The following QTMAN variants were observed in gnomAD, a reference collection of about 807,000 sequenced individuals.
The protein encoded by QTMAN is queuosine-tRNA mannosyltransferase.
At chr2:144,202,644 T>C in the QTMAN span, among the ~76,000 whole-genome samples, 1 of 152,212 alleles carries the variant, frequency 6.6e-6, no homozygotes, top group African/African-American at 2.4e-5. Flanking sequence ...TTATTTTCCA[T>C]TCCATTCATT....
At chr2:144,213,828 C>T in the QTMAN span, among the ~76,000 whole-genome samples, 4 of 152,128 alleles carry the variant, frequency 2.6e-5, no homozygotes, top group South Asian at 2.1e-4. Context: ...GAAACTTGAG[C>T]GGTATTTCTC....
chr2:144,141,502 T>C, the QTMAN span, among the ~76,000 whole-genome samples: 1 of 150,572 alleles, frequency 6.6e-6, no homozygotes, highest in African/African-American at 2.4e-5. Flanking sequence ...TTGACTTATC[T>C]AGACCAGTTC....
chr2:144,238,177 C>T, the QTMAN span, among the ~76,000 whole-genome samples: 5 of 152,214 alleles, frequency 3.3e-5, no homozygotes, highest in Admixed American at 2.0e-4. Context: ...ACGCCTTCCA[C>T]AGGGAACCCA....
the QTMAN span, among the ~76,000 whole-genome samples, chr2:144,280,729 TAAGAA>T: frequency 6.6e-6 from 1 of 151,390 alleles, no homozygotes; most frequent in African/African-American, 2.4e-5. Flanking sequence ...TACAAATCAA[TAAGAA>T]AAGGACAAAT....
chr2:143,960,034 C>T, the QTMAN span, among the ~76,000 whole-genome samples: 3 of 151,986 alleles, frequency 2.0e-5, no homozygotes, highest in Admixed American at 6.6e-5. Context: ...ATTATAAAAG[C>T]CTTGTTTCAA....
the QTMAN span, among the ~76,000 whole-genome samples, chr2:144,088,548 T>A: frequency 6.6e-6 from 1 of 152,204 alleles, no homozygotes; most frequent in East Asian, 1.9e-4. Context: ...GCTGGTGGCA[T>A]CACACTATCT....
the QTMAN span, among the ~76,000 whole-genome samples, chr2:144,324,451 TC>T: frequency 6.6e-6 from 1 of 151,500 alleles, no homozygotes; most frequent in African/African-American, 2.4e-5. Context: ...AAAAGACTAA[TC>T]CCCCCCATCA....
chr2:144,244,546 A>C, the QTMAN span, among the ~76,000 whole-genome samples: 10 of 152,346 alleles, frequency 6.6e-5, no homozygotes, highest in Middle Eastern at 3.4e-3. Flanking sequence ...GAATAATATA[A>C]AAAGTAAGTA....
chr2:143,940,465 A>G, the QTMAN span: 1 of 152,376 alleles, frequency 6.6e-6, no homozygotes, highest in African/African-American at 2.4e-5. Flanking sequence ...TTACTCTATA[A>G]TTAAGGATGT....
the QTMAN span, among the ~76,000 whole-genome samples, chr2:144,017,375 C>T: frequency 2.6e-5 from 4 of 152,164 alleles, no homozygotes; most frequent in East Asian, 7.7e-4. Flanking sequence ...AGGAGTTTTT[C>T]TTTAAAATTT....
chr2:144,026,494 A>G, the QTMAN span, among the ~76,000 whole-genome samples: 2 of 152,210 alleles, frequency 1.3e-5, no homozygotes, highest in East Asian at 3.8e-4. Context: ...AAAGTATCAC[A>G]AATTTCATAA....
chr2:144,204,604 A>G, the QTMAN span, among the ~76,000 whole-genome samples: 2 of 152,178 alleles, frequency 1.3e-5, no homozygotes, highest in Admixed American at 1.3e-4. Context: ...AAGGATCTAG[A>G]ACTAGAAATA....
the QTMAN span, among the ~76,000 whole-genome samples, chr2:144,015,952 A>G: frequency 6.6e-6 from 1 of 152,154 alleles, no homozygotes; most frequent in Non-Finnish European, 1.5e-5. Context: ...AAAGGAGAAC[A>G]TGTGTCGGGC....
the QTMAN span, among the ~76,000 whole-genome samples, chr2:144,081,623 C>A: frequency 6.6e-6 from 1 of 151,446 alleles, no homozygotes; most frequent in East Asian, 2.0e-4. Flanking sequence ...AAGGGAAGGA[C>A]GAAGTGGGGA....
At chr2:144,246,653 G>A in the QTMAN span, among the ~76,000 whole-genome samples, 1 of 148,018 alleles carries the variant, frequency 6.8e-6, no homozygotes, top group African/African-American at 2.5e-5. Flanking sequence ...CTCCAATATA[G>A]AGTCTCAATT....
At chr2:144,289,557 G>A in the QTMAN span, among the ~76,000 whole-genome samples, 100 of 152,332 alleles carry the variant, frequency 6.6e-4, 2 homozygotes, top group South Asian at 0.016. Flanking sequence ...ACTGGTGTAA[G>A]AAGCATCCAG....
At chr2:144,050,682 A>G in the QTMAN span, among the ~76,000 whole-genome samples, 9 of 152,254 alleles carry the variant, frequency 5.9e-5, no homozygotes, top group South Asian at 1.2e-3. Context: ...CAGTTTACCT[A>G]ATTCTTATAG....
the QTMAN span, among the ~76,000 whole-genome samples, chr2:144,003,050 A>T: frequency 3.9e-5 from 6 of 152,106 alleles, no homozygotes; most frequent in African/African-American, 1.4e-4. Flanking sequence ...TAATTTTCAT[A>T]AAAATACATT....
the QTMAN span, among the ~76,000 whole-genome samples, chr2:144,322,555 T>C: frequency 2.3e-3 from 345 of 152,260 alleles, no homozygotes; most frequent in African/African-American, 7.7e-3. Context: ...TATTGGTGTC[T>C]ACATTCAATC....
Sources: gnomAD v4.1 joint callset for allele counts (sites outside exome capture counted in the v4.1 genomes callset) on GRCh38, gnomAD v4.1.1 for gene constraint, MANE v1.5 for transcripts, NCBI Gene and HGNC (gene_info 2026-07-23, HGNC 2026-07-21) for gene names.